Variants in NCAPG observed in about 807,000 individuals in gnomAD.
NCAPG encodes the protein non-SMC condensin I complex subunit G.
Under a neutral mutation model 113.1 loss-of-function variants are expected in NCAPG, and 69 were observed. The observed-to-expected ratio is 0.61, with a 90% CI of 0.50 to 0.75. The LOEUF is 0.75. NCAPG is among the 30% of genes least tolerant of loss of function. The probability of loss-of-function intolerance (pLI) is 0.00; values close to 1 mark genes in which losing one functional copy is unlikely to be tolerated. For missense variants in NCAPG, 1,058 were observed against 1,177.0 expected (o/e 0.90, Z 1.48); for synonymous variants, 370 against 415.8 (o/e 0.89, Z 1.34).
In NCAPG at chr4:17,834,404, A is replaced by T. The variant is rs1313176228; in HGVS notation, c.1990A>T (p.Thr664Ser). The change falls in exon 14 of 21, where the codon ACA (threonine) becomes TCA (serine). Residue 664 changes from threonine to serine, a missense_variant. Transcript: ENST00000251496. Reference protein sequence around the residue: ...IEPFKTKKIKTLHCEGTEINS... With the variant: ...IEPFKTKKIKSLHCEGTEINS... ...ACCATTTAAAACTAAAAAAATCAAA[A>T]CACTTCATTGTGAAGGTACAGAAAT... 2 of 1,611,916 alleles carry T rather than the reference A, an allele frequency of 1.2e-6. No homozygotes were observed. Among genetic ancestry groups the T allele is most frequent in the Admixed American group, 3.3e-5 (2 of 59,766 alleles).
rs148031860 is a variant in NCAPG, at chr4:17,843,348, C to T, written c.2971C>T (p.Pro991Ser). Residue 991 changes from proline (P) to serine (S), a missense_variant, in exon 21 of 21, where the codon CCA becomes TCA. Physicochemically the swap from Pro to Ser is moderately conservative, Grantham distance 74. Transcript: ENST00000251496. ...EPESEMKMRL[P>S]RRAKTAALEK... ...AGAATCAGAAATGAAGATGAGACTA[C>T]CAAGACGAGCCAAAACCGCAGCACT... The T allele has an allele frequency of 1.2e-6, 2 of 1,611,840 alleles. No individual in the cohort carries two copies. The highest frequency in any genetic ancestry group is 1.7e-6 in the Non-Finnish European group (2 of 1,178,374).
At position 17,837,148 on chromosome 4, in the gene NCAPG, A is replaced by G. The variant is rs772265978; in HGVS notation, c.2110-11A>G. ...AAATAAATTTCTTCTAATGAATGTC[A>G]TCTTTGTTAGGTATCTGAACTTAGG... is the stretch of plus-strand genomic sequence containing the variant. On this transcript the variant is annotated splice_polypyrimidine_tract_variant and intron_variant, in intron 14 of 20. Transcript: ENST00000251496. 5 of 1,610,020 alleles carry G rather than the reference A, an allele frequency of 3.1e-6. No individual in the cohort carries two copies. Among genetic ancestry groups the G allele is most frequent in the African/African-American group, 2.7e-5 (2 of 74,680 alleles).
chr4:17,818,621 C>G (rs937508835), intron 7 of NCAPG, among the ~76,000 whole-genome samples: 2 of 152,146 alleles, frequency 1.3e-5, no homozygotes, highest in African/African-American at 4.8e-5. Context: ...ATAGTCTTAG[C>G]TTGCAAGCTA....
intron 14 of NCAPG, among the ~76,000 whole-genome samples, chr4:17,834,749 C>T (rs1003784367): frequency 1.3e-5 from 2 of 152,130 alleles, no homozygotes; most frequent in Non-Finnish European, 2.9e-5. Context: ...CCCCTATCCC[C>T]TGATAGGTCC....
At chr4:17,818,668 A>T (rs936714079) in intron 7 of NCAPG, among the ~76,000 whole-genome samples, 4 of 152,202 alleles carry the variant, frequency 2.6e-5, no homozygotes, top group Non-Finnish European at 5.9e-5. Flanking sequence ...TGCACGGAAC[A>T]TTGTTTTCCA....
intron 15 of NCAPG, 109 bp downstream of exon 15, chr4:17,837,449 GTAGA>G: frequency 3.2e-6 from 4 of 1,247,548 alleles, no homozygotes; most frequent in Non-Finnish European, 4.4e-6. Flanking sequence ...TCTGTCTTTA[GTAGA>G]TAAATGATGA....
chr4:17,814,253 T>A (rs1046773442), intron 3 of NCAPG, among the ~76,000 whole-genome samples: 1 of 152,168 alleles, frequency 6.6e-6, no homozygotes. Context: ...GGGCTATTTG[T>A]TTTCACTTTT....
intron 11 of NCAPG, among the ~76,000 whole-genome samples, chr4:17,827,799 A>T (rs1352467264): frequency 6.8e-6 from 1 of 146,130 alleles, no homozygotes; most frequent in African/African-American, 2.5e-5. Flanking sequence ...CAAGATGAAG[A>T]TTAGACTTTT....
intron 6 of NCAPG, among the ~76,000 whole-genome samples, chr4:17,817,656 T>C (rs988642715): frequency 6.6e-6 from 1 of 152,186 alleles, no homozygotes; most frequent in African/African-American, 2.4e-5. Flanking sequence ...ATAGACTATC[T>C]ACTTTAGCTA....
At chr4:17,821,476 T>G (rs955570549) in intron 7 of NCAPG, among the ~76,000 whole-genome samples, 2 of 150,870 alleles carry the variant, frequency 1.3e-5, no homozygotes, top group Non-Finnish European at 3.0e-5. Flanking sequence ...TTTTTTTTTT[T>G]TTTAAGAGAC....
In NCAPG at chr4:17,837,169, T is replaced by G; in HGVS notation, c.2120T>G (p.Leu707Arg). The G allele has an allele frequency of 6.2e-7, 1 of 1,613,386 alleles. No individual in the cohort carries two copies. The highest frequency in any genetic ancestry group is 8.5e-7 in the Non-Finnish European group (1 of 1,179,718). Residue 707 changes from leucine to arginine, a missense_variant, in exon 15 of 21, where the codon CTT becomes CGT. Physicochemically the swap from Leu to Arg is moderately radical, Grantham distance 102. Coordinates refer to ENST00000251496, the MANE Select transcript of NCAPG (RefSeq NM_022346.5). ...TGTCATCTTTGTTAGGTATCTGAACTTAGGACTGGAGCTGCAGAAGGACTA... is the reference window on the plus strand; with the variant it reads ...TGTCATCTTTGTTAGGTATCTGAACGTAGGACTGGAGCTGCAGAAGGACTA... ...SDFLDSEVSELRTGAAEGLAK... is the reference protein window; with the variant it reads ...SDFLDSEVSERRTGAAEGLAK...
At chr4:17,842,240 C>T in intron 19 of NCAPG, 70 bp from the exon 20 acceptor site, 1 of 1,316,050 alleles carries the variant, frequency 7.6e-7, no homozygotes, top group South Asian at 1.2e-5. Context: ...ATTTAGTTAG[C>T]CTAGAAACTA....
Position 17,823,034 on chromosome 4 carries a change from C to T in NCAPG, c.1170C>T (p.Ser390=). 1 of 1,607,984 alleles carries T rather than the reference C, an allele frequency of 6.2e-7. No homozygotes were observed. The highest frequency in any genetic ancestry group is 1.7e-5 in the Admixed American group (1 of 58,820). Residue 390 remains serine (S), a synonymous_variant, in exon 8 of 21, where the codon TCC becomes TCT. Transcript: ENST00000251496. ...ATGAAGAACACAGAGGTGATTTTTC[C>T]TATATTGGAAATTTGATGACAAAAG... ...VVNEEHRGDF[S]YIGNLMTKEF...
At chr4:17,821,052 A>AT (rs1721437382) in intron 7 of NCAPG, among the ~76,000 whole-genome samples, 1 of 152,196 alleles carries the variant, frequency 6.6e-6, no homozygotes, top group Admixed American at 6.5e-5. Flanking sequence ...TTGGTGGGTC[A>AT]GTTTTAAGTT....
intron 5 of NCAPG, 80 bp from the exon 6 acceptor site, chr4:17,817,181 T>G: frequency 1.0e-6 from 1 of 980,702 alleles, no homozygotes; most frequent in South Asian, 1.6e-5. Context: ...ATACTGACTT[T>G]GTTAATTAAA....
rs1254025018 is a variant in NCAPG, at chr4:17,831,131, G to C, written c.1884+15G>C. 2 of 1,609,662 alleles carry C rather than the reference G, an allele frequency of 1.2e-6. No homozygotes were observed. The highest frequency in any genetic ancestry group is 1.7e-5 in the Admixed American group (1 of 59,068). On this transcript the variant is annotated intron_variant, in intron 13 of 20. Transcript: ENST00000251496. Reference sequence around the variant, plus strand: ...TACTATTGCAGGTAGGATTTATCTTGTGATAAATCTCAACTGTATTTCCTG... The same window carrying C: ...TACTATTGCAGGTAGGATTTATCTTCTGATAAATCTCAACTGTATTTCCTG...
In NCAPG at chr4:17,840,651, G is replaced by T; in HGVS notation, c.2812G>T (p.Ala938Ser). ...VYMTPLRGVK[A>S]TQASKSTQLK... ...TATGACTCCACTCAGGGGTGTAAAA[G>T]CAACCCAAGCATCAAAGTCTACTCA... The change falls in exon 19 of 21, where the codon GCA becomes TCA. Residue 938 changes from alanine (A) to serine (S), a missense_variant. Ala to Ser is a moderately conservative substitution (Grantham distance 99). Transcript: ENST00000251496. 1 of 1,559,920 alleles carries T rather than the reference G, an allele frequency of 6.4e-7. No homozygotes were observed.
intron 20 of NCAPG, 21 bp downstream of exon 20, chr4:17,842,400 A>G: frequency 1.9e-6 from 3 of 1,595,596 alleles, no homozygotes; most frequent in Non-Finnish European, 2.6e-6. Flanking sequence ...CATGTCTAGA[A>G]TATATGGAGG....
chr4:17,816,615 A>G (rs1373745046), intron 5 of NCAPG, among the ~76,000 whole-genome samples: 1 of 152,226 alleles, frequency 6.6e-6, no homozygotes, highest in Non-Finnish European at 1.5e-5. Context: ...ATAGTTCACT[A>G]CTGCAAATAG....
Sources: allele counts gnomAD v4.1 joint callset (sites outside exome capture counted in the v4.1 genomes callset), GRCh38; gene constraint gnomAD v4.1.1; transcripts MANE v1.5; gene names NCBI Gene and HGNC (gene_info 2026-07-23, HGNC 2026-07-21).